ZDHHC20: variants seen among roughly 807,000 people sequenced by gnomAD.
The protein encoded by ZDHHC20 is palmitoyltransferase ZDHHC20.
ZDHHC20 carries 43 observed loss-of-function variants against 57.8 expected under a neutral mutation model. The observed-to-expected ratio is 0.74, with a 90% CI of 0.58 to 0.96. The LOEUF (loss-of-function observed/expected upper bound fraction) is 0.96, where lower values mean the gene tolerates loss of function less well. Ranked by LOEUF, ZDHHC20 falls within the 40% of genes least tolerant of loss-of-function variation. ZDHHC20 has a pLI of 0.00. For synonymous variants in ZDHHC20, 157 were observed against 153.0 expected (o/e 1.03, Z -0.19); for missense variants, 391 against 441.1 (o/e 0.89, Z 1.02).
chr13:21,413,083 C>T (rs1362459277), intron 4 of ZDHHC20, among the ~76,000 whole-genome samples: 1 of 152,020 alleles, frequency 6.6e-6, no homozygotes, highest in Non-Finnish European at 1.5e-5. Flanking sequence ...TAGACTCTTC[C>T]CTGTCATAAG....
At chr13:21,402,960 G>A (rs1877917140) in intron 4 of ZDHHC20, 94 bp from the exon 5 acceptor site, 1 of 897,430 alleles carries the variant, frequency 1.1e-6, no homozygotes, top group East Asian at 2.7e-5. Flanking sequence ...ATAACTCTGG[G>A]TAATTGATAA....
chr13:21,378,595 G>T, intron 12 of ZDHHC20, 66 bp downstream of exon 12: 1 of 943,256 alleles, frequency 1.1e-6, no homozygotes, highest in Non-Finnish European at 1.4e-6. Context: ...ACTGCAAATT[G>T]TTTAAAGATT....
At chr13:21,450,565 C>T (rs547743917) in intron 1 of ZDHHC20, among the ~76,000 whole-genome samples, 1 of 152,018 alleles carries the variant, frequency 6.6e-6, no homozygotes, top group African/African-American at 2.4e-5. Context: ...CAGATTAACT[C>T]ACTAGTAGTC....
chr13:21,410,243 C>A (rs547712651), intron 4 of ZDHHC20, among the ~76,000 whole-genome samples: 16 of 152,320 alleles, frequency 1.1e-4, no homozygotes, highest in Middle Eastern at 3.4e-3. Context: ...TTGCTGCCTG[C>A]TCCTTCCTCT....
intron 4 of ZDHHC20, among the ~76,000 whole-genome samples, chr13:21,405,363 G>A (rs1356873235): frequency 4.6e-5 from 7 of 152,028 alleles, no homozygotes; most frequent in African/African-American, 1.4e-4. Flanking sequence ...GAGAGCTACC[G>A]CTTTAGAAAT....
intron 4 of ZDHHC20, among the ~76,000 whole-genome samples, chr13:21,407,321 T>A (rs1370099160): frequency 6.6e-6 from 1 of 152,208 alleles, no homozygotes; most frequent in African/African-American, 2.4e-5. Flanking sequence ...ATGATCGCCA[T>A]TCTAACTGGT....
chr13:21,409,590 CA>C (rs1191621747), intron 4 of ZDHHC20, among the ~76,000 whole-genome samples: 3 of 152,070 alleles, frequency 2.0e-5, no homozygotes, highest in Non-Finnish European at 4.4e-5. Flanking sequence ...CGTTCCTTTT[CA>C]TTCTTTTTTC....
Position 21,378,758 on chromosome 13 carries a change from T to C in ZDHHC20, c.1061-20A>G, listed in dbSNP as rs113468010. ...TTGTCCCTGTAAGCATATAATTATA[T>C]ATGACATGACAAAAAAAAAAAAAAA... On this transcript the variant is annotated intron_variant, in intron 11 of 12. Transcript: ENST00000400590. The C allele has an allele frequency of 5.8e-4, 723 of 1,242,476 alleles. 4 individuals are homozygous for C. In the African/African-American group the frequency reaches 0.011, roughly 19 times the overall value. 77.0% of individuals were successfully genotyped at this position (1,242,476 alleles called of 1,614,324 possible). A position where few individuals can be genotyped will look rare whatever the true frequency, so the allele number is the denominator to read the frequency against.
At chr13:21,418,027 T>C (rs772967536) in intron 3 of ZDHHC20, among the ~76,000 whole-genome samples, 1 of 152,220 alleles carries the variant, frequency 6.6e-6, no homozygotes, top group Non-Finnish European at 1.5e-5. Context: ...TCTCTAGAGC[T>C]TAGCTTAGCT....
At chr13:21,382,563 T>C (rs778507533) in intron 10 of ZDHHC20, among the ~76,000 whole-genome samples, 4 of 152,114 alleles carry the variant, frequency 2.6e-5, no homozygotes, top group Non-Finnish European at 4.4e-5. Flanking sequence ...GTATAATGAC[T>C]AATTTATTTG....
chr13:21,373,623 TTGTCTGTAA>T lies in ZDHHC20; in HGVS notation c.*3064_*3072del, dbSNP rs1166262273. 6.6e-6 allele frequency: 1 copy of T among 152,248 alleles called. No individual in the cohort carries two copies. The highest frequency in any genetic ancestry group is 6.5e-5 in the Admixed American group (1 of 15,282). 9.4% of individuals were successfully genotyped at this position (152,248 alleles called of 1,614,324 possible). A position where few individuals can be genotyped will look rare whatever the true frequency, so the allele number is the denominator to read the frequency against. Reference sequence around the variant, plus strand: ...TCCCAGGTAAACCAAGTCTCCTAATTTGTCTGTAATGGCAATGGCAAGACCTGAACTTCA... The same window carrying T: ...TCCCAGGTAAACCAAGTCTCCTAATTTGGCAATGGCAAGACCTGAACTTCA... On this transcript the variant is annotated 3_prime_UTR_variant, in exon 13 of 13. Transcript: ENST00000400590.
rs1000059890 is a variant in ZDHHC20, at chr13:21,374,181, A to T, written c.*2515T>A. 2.2e-5 allele frequency: 4 copies of T among 183,562 alleles called. No individual in the cohort carries two copies. The highest frequency in any genetic ancestry group is 9.2e-5 in the African/African-American group (4 of 43,338). The allele number at this position is 183,562 out of a possible 1,614,324, so 11.4% of individuals were successfully genotyped here. On this transcript the variant is annotated 3_prime_UTR_variant, in exon 13 of 13. Transcript: ENST00000400590. ...ATGTTTTAACATTTATCTCCTTATA[A>T]TATGCAAACTGCCAAACTGGAGTTA...
chr13:21,433,768 T>C (rs907450969), intron 1 of ZDHHC20, among the ~76,000 whole-genome samples: 7 of 152,234 alleles, frequency 4.6e-5, no homozygotes, highest in Non-Finnish European at 7.3e-5. Flanking sequence ...CTTTGAAATA[T>C]TGTCTTACAG....
At chr13:21,383,927 C>A (rs534925883) in intron 9 of ZDHHC20, among the ~76,000 whole-genome samples, 1 of 151,942 alleles carries the variant, frequency 6.6e-6, no homozygotes, top group East Asian at 1.9e-4. Flanking sequence ...TTACTTCTAG[C>A]CAAGATGGAA....
At position 21,377,696 on chromosome 13, in the gene ZDHHC20, C is replaced by A. The variant is rs947214551; in HGVS notation, c.*40+965G>T. 3 of 186,152 alleles carry A rather than the reference C, an allele frequency of 1.6e-5. No homozygotes were observed. In the South Asian group the frequency reaches 2.4e-4, roughly 15 times the overall value. 11.5% of individuals were successfully genotyped at this position (186,152 alleles called of 1,614,324 possible). ...ACCCCTAGTGCCTGTGATCTGACTC[C>A]GTCCTGGGTCTTAGGCTCTGGCTGC... On this transcript the variant is annotated intron_variant, in intron 12 of 12. Transcript: ENST00000400590.
intron 8 of ZDHHC20, among the ~76,000 whole-genome samples, chr13:21,390,977 A>G (rs926029459): frequency 4.6e-5 from 7 of 152,138 alleles, no homozygotes; most frequent in African/African-American, 1.7e-4. Context: ...AATTGAGGAT[A>G]TAAAGGTTTT....
At chr13:21,439,559 TA>T (rs1452021275) in intron 1 of ZDHHC20, among the ~76,000 whole-genome samples, 1 of 151,874 alleles carries the variant, frequency 6.6e-6, no homozygotes, top group African/African-American at 2.4e-5. Flanking sequence ...CCTGTACTCT[TA>T]AAAAATCATG....
chr13:21,378,666 T>G lies in ZDHHC20; in HGVS notation c.*35A>C. ...TTACCTTTATACTGTCTTACCTTGC[T>G]CTTATTCAAATGGTTAGTTATGAAC... is the stretch of plus-strand genomic sequence containing the variant. On this transcript the variant is annotated 3_prime_UTR_variant, in exon 12 of 13. Transcript: ENST00000400590. The G allele has an allele frequency of 7.0e-7, 1 of 1,431,164 alleles. No homozygotes were observed. The allele number at this position is 1,431,164 out of a possible 1,614,324, so 88.7% of individuals were successfully genotyped here.
chr13:21,403,308 A>G (rs920950139), intron 4 of ZDHHC20, among the ~76,000 whole-genome samples: 1 of 150,388 alleles, frequency 6.6e-6, no homozygotes, highest in Non-Finnish European at 1.5e-5. Flanking sequence ...AAAAAAAAAC[A>G]CTTTTTATCT....
Sources: allele counts gnomAD v4.1 joint callset (sites outside exome capture counted in the v4.1 genomes callset), GRCh38; gene constraint gnomAD v4.1.1; transcripts MANE v1.5; gene names NCBI Gene and HGNC (gene_info 2026-07-23, HGNC 2026-07-21).